Variants in EPSTI1 observed in about 807,000 individuals in gnomAD.
EPSTI1 encodes the protein epithelial stromal interaction 1, also known as epithelial-stromal interaction protein 1.
Under a neutral mutation model 49.9 loss-of-function variants are expected in EPSTI1, and 66 were observed. The observed-to-expected ratio is 1.32, with a 90% CI of 1.08 to 1.62. EPSTI1 has a LOEUF of 1.62. Ranked by LOEUF, EPSTI1 falls within the 40% of genes most tolerant of loss-of-function variation. The probability of loss-of-function intolerance (pLI) is 0.00; values close to 1 mark genes in which losing one functional copy is unlikely to be tolerated. For missense variants in EPSTI1, 394 were observed against 365.5 expected, an observed-to-expected ratio of 1.08 and a Z score of -0.64; for synonymous variants, 137 against 130.7, an observed-to-expected ratio of 1.05 and a Z score of -0.33.
intron 9 of EPSTI1, among the ~76,000 whole-genome samples, chr13:42,898,116 A>G (rs1194809740): frequency 6.6e-6 from 1 of 152,190 alleles, no homozygotes; most frequent in Non-Finnish European, 1.5e-5. Flanking sequence ...GGTGCACTCA[A>G]GCTCATTACA....
In EPSTI1 at chr13:42,890,296, C is replaced by CTTTTCTTT. The variant is rs1470146396; in HGVS notation, c.916-1795_916-1794insAAAGAAAA. On this transcript the variant is annotated intron_variant, in intron 10 of 10. Coordinates refer to ENST00000313624, the MANE Select transcript of EPSTI1 (RefSeq NM_033255.5). Reference sequence around the variant, plus strand: ...AAAATTTAAGAATTTTTTTTCTTTTCTTTTTTTTTTTTTTTTTTTGAGAAA... The same window carrying CTTTTCTTT: ...AAAATTTAAGAATTTTTTTTCTTTTCTTTTCTTTTTTTTTTTTTTTTTTTTTTGAGAAA... Among the ~76,000 whole-genome samples the CTTTTCTTT allele has an allele frequency of 3.6e-4, 42 of 116,296 alleles. 1 individual carries two copies. The highest frequency in any genetic ancestry group is 4.4e-4 in the African/African-American group (14 of 32,156). 76.3% of individuals were successfully genotyped at this position (116,296 alleles called of 152,430 possible).
At chr13:42,916,831 A>C (rs2037843757) in intron 8 of EPSTI1, among the ~76,000 whole-genome samples, 1 of 152,198 alleles carries the variant, frequency 6.6e-6, no homozygotes, top group South Asian at 2.1e-4. Flanking sequence ...GATCTGAAAT[A>C]AAGTGGCACT....
Position 42,901,883 on chromosome 13 carries a change from A to C in EPSTI1, c.742-1500T>G, listed in dbSNP as rs367795874. Among the ~76,000 whole-genome samples, 337 of 149,294 alleles carry C rather than the reference A, an allele frequency of 2.3e-3. 1 individual carries two copies. Among genetic ancestry groups the C allele is most frequent in the African/African-American group, 7.7e-3 (309 of 40,010 alleles). On this transcript the variant is annotated intron_variant, in intron 8 of 10. Coordinates refer to ENST00000313624, the MANE Select transcript of EPSTI1 (RefSeq NM_033255.5). ...TGCACCCACTAACTCGTCATCTAGC[A>C]TTAGGTATATCTCCCAATGCTATCC... is the stretch of plus-strand genomic sequence containing the variant.
chr13:42,975,092 G>A (rs2039855594), intron 1 of EPSTI1, among the ~76,000 whole-genome samples: 1 of 152,034 alleles, frequency 6.6e-6, no homozygotes, highest in African/African-American at 2.4e-5. Flanking sequence ...AAGGCATTTC[G>A]ATACTTATCT....
rs1024306998 is a variant in EPSTI1 at position 42,887,134 on chromosome 13, G to A, written c.*1360C>T. On this transcript the variant is annotated 3_prime_UTR_variant, in exon 11 of 11. Transcript: ENST00000313624. ...GGGGGATTGAGTTTCCCCCATATAA[G>A]GCAATGACAAGGATTTCAAATGGAC... 5.9e-5 allele frequency: 9 copies of A among 152,168 alleles called. No homozygotes were observed. The highest frequency in any genetic ancestry group is 1.7e-4 in the African/African-American group (7 of 41,438). 9.4% of individuals were successfully genotyped at this position (152,168 alleles called of 1,614,324 possible). A position where few individuals can be genotyped will look rare whatever the true frequency, so the allele number is the denominator to read the frequency against.
At chr13:42,888,847 G>C (rs2036943593) in intron 10 of EPSTI1, among the ~76,000 whole-genome samples, 2 of 152,178 alleles carry the variant, frequency 1.3e-5, no homozygotes, top group South Asian at 4.1e-4. Flanking sequence ...ATGTGGAACA[G>C]AGCAATTTAA....
chr13:42,960,668 C>T (rs1434319287), intron 5 of EPSTI1, among the ~76,000 whole-genome samples: 1 of 152,182 alleles, frequency 6.6e-6, no homozygotes, highest in Non-Finnish European at 1.5e-5. Context: ...GGGCTAAAAT[C>T]AAGGTGCCAG....
intron 7 of EPSTI1, among the ~76,000 whole-genome samples, chr13:42,924,832 T>C (rs770454669): frequency 5.3e-5 from 8 of 152,214 alleles, no homozygotes; most frequent in Non-Finnish European, 1.2e-4. Context: ...AGTAGGAGTA[T>C]AATGACCTCT....
In EPSTI1 at chr13:42,969,145, A is replaced by G; in HGVS notation, c.280T>C (p.Trp94Arg). ...GGTTTAGCTCTGTTCTGCTCCTTCC[A>G]CTTCTCCAGGTTGGCCAGCTCCTGC... is the stretch of plus-strand genomic sequence containing the variant. ...AEQELANLEK[W>R]KEQNRAKPVH... Residue 94 changes from tryptophan to arginine, a missense_variant, in exon 3 of 11, where the codon TGG becomes CGG. Physicochemically the swap from Trp to Arg is moderately radical, Grantham distance 101. Coordinates refer to ENST00000313624, the MANE Select transcript of EPSTI1 (RefSeq NM_033255.5). 6.2e-7 allele frequency: 1 copy of G among 1,614,016 alleles called. No homozygotes were observed. Among genetic ancestry groups the G allele is most frequent in the Non-Finnish European group, 8.5e-7 (1 of 1,180,006 alleles).
At position 42,922,060 on chromosome 13, in the gene EPSTI1, G is replaced by A. The variant is rs2038016548; in HGVS notation, c.657+4276C>T. ...AGATATAACCAGAGTATACCGACTG[G>A]CTTGGCAGTGAGAAAACGTGTATAT... On this transcript the variant is annotated intron_variant, in intron 7 of 10. Transcript: ENST00000313624. This position sits in a 1 kb window ranked among gnomAD's most constrained non-coding sequence, Gnocchi z 4.8. 6.6e-6 allele frequency among the ~76,000 whole-genome samples: 1 copy of A among 152,176 alleles called. No homozygotes were observed. Among genetic ancestry groups the A allele is most frequent in the South Asian group, 2.1e-4 (1 of 4,830 alleles).
chr13:42,938,432 T>A (rs930012131), intron 6 of EPSTI1, among the ~76,000 whole-genome samples: 4 of 152,060 alleles, frequency 2.6e-5, no homozygotes, highest in Non-Finnish European at 4.4e-5. Flanking sequence ...ATTTAGCATA[T>A]TTTTTTAAGG....
At position 42,969,102 on chromosome 13, in the gene EPSTI1, C is replaced by T. The variant is rs756517688; in HGVS notation, c.323G>A (p.Arg108Lys). 1 of 1,614,176 alleles carries T rather than the reference C, an allele frequency of 6.2e-7. No individual in the cohort carries two copies. Among genetic ancestry groups the T allele is most frequent in the South Asian group, 1.1e-5 (1 of 91,072 alleles). The change falls in exon 3 of 11, where the codon AGA (arginine) becomes AAA (lysine). Residue 108 changes from arginine (R) to lysine (K), a missense_variant. Coordinates refer to ENST00000313624, the MANE Select transcript of EPSTI1 (RefSeq NM_033255.5). ...NRAKPVHLVP[R>K]RLGGSQSETE... ...CGGCTGTGCTTGCTTACCTAGCCGT[C>T]TGGGCACCAGGTGAACCGGTTTAGC...
At chr13:42,905,766 C>T (rs1320904317) in intron 8 of EPSTI1, among the ~76,000 whole-genome samples, 1 of 152,170 alleles carries the variant, frequency 6.6e-6, no homozygotes, top group Non-Finnish European at 1.5e-5. Context: ...ATGAGGCAGA[C>T]ACACCCAGAA....
intron 1 of EPSTI1, among the ~76,000 whole-genome samples, chr13:42,978,484 G>A (rs1038304650): frequency 3.3e-5 from 5 of 152,182 alleles, no homozygotes; most frequent in African/African-American, 1.2e-4. Flanking sequence ...AGTGAGCAGA[G>A]GGCTGACTTT....
At chr13:42,961,173 G>A (rs574580364) in intron 5 of EPSTI1, among the ~76,000 whole-genome samples, 1 of 152,276 alleles carries the variant, frequency 6.6e-6, no homozygotes, top group East Asian at 1.9e-4. Flanking sequence ...GTAGGGGAGG[G>A]TAAGAAAATA....
rs149604146 is a variant in EPSTI1, at chr13:42,970,615, T to C, written c.244A>G (p.Arg82Gly). Residue 82 changes from arginine to glycine, a missense_variant, in exon 2 of 11, where the codon AGA (arginine) becomes GGA (glycine). Arg to Gly is a moderately radical substitution (Grantham distance 125). Coordinates refer to ENST00000313624, the MANE Select transcript of EPSTI1 (RefSeq NM_033255.5). ...PNINRRNEIQRIAEQELANLE... is the reference protein window; with the variant it reads ...PNINRRNEIQGIAEQELANLE... ...TTAAATGAATGACTATACATACTTC[T>C]TTGTATCTCATTTCTCCGGTTTATA... is the stretch of plus-strand genomic sequence containing the variant. 2,725 of 1,609,348 alleles carry C rather than the reference T, an allele frequency of 1.7e-3. 41 individuals carry two copies. The African/African-American group carries it at 0.032, about 19-fold the overall frequency.
At chr13:42,945,120 A>C (rs1467087185) in intron 6 of EPSTI1, among the ~76,000 whole-genome samples, 1 of 152,202 alleles carries the variant, frequency 6.6e-6, no homozygotes, top group Non-Finnish European at 1.5e-5. Context: ...GTAACTTACA[A>C]AGAAAAAGAG....
chr13:42,895,242 A>C (rs1409078836), intron 9 of EPSTI1, 134 bp from the exon 10 acceptor site: 3 of 637,956 alleles, frequency 4.7e-6, no homozygotes, highest in Non-Finnish European at 7.9e-6. Flanking sequence ...ATCCACAGAA[A>C]CTTCTCTTCA....
chr13:42,896,487 A>G (rs923879933), intron 9 of EPSTI1, among the ~76,000 whole-genome samples: 2 of 152,000 alleles, frequency 1.3e-5, no homozygotes, highest in African/African-American at 4.8e-5. Context: ...AGCATCCTCC[A>G]CCCCACACCC....
Sources: gnomAD v4.1 joint callset for allele counts (sites outside exome capture counted in the v4.1 genomes callset) on GRCh38, gnomAD v4.1.1 for gene constraint, Gnocchi (gnomAD v3.1) non-coding constraint, MANE v1.5 for transcripts, NCBI Gene and HGNC (gene_info 2026-07-23, HGNC 2026-07-21) for gene names.